Variants in PALS1 observed in about 807,000 individuals in gnomAD.
PALS1 encodes the protein protein PALS1.
In PALS1, 31 loss-of-function variants were observed where a neutral mutation model predicts 78.9. The observed-to-expected ratio is 0.39, with a 90% confidence interval of 0.30 to 0.53. The LOEUF (loss-of-function observed/expected upper bound fraction) is 0.53, where lower values mean the gene tolerates loss of function less well. Ranked by LOEUF, PALS1 falls within the 20% of genes least tolerant of loss-of-function variation. PALS1 has a pLI of 0.67. For missense variants in PALS1, 704 were observed against 826.5 expected, an observed-to-expected ratio of 0.85 and a Z score of 1.82; for synonymous variants, 276 against 270.9, an observed-to-expected ratio of 1.02 and a Z score of -0.18.
At chr14:67,281,452 T>C (rs141997150) in intron 3 of PALS1, among the ~76,000 whole-genome samples, 207 of 152,196 alleles carry the variant, frequency 1.4e-3, no homozygotes, top group African/African-American at 4.5e-3. Flanking sequence ...TTTATTAGAG[T>C]AAAAATACTT....
At chr14:67,301,201 T>A (rs1421609041) in intron 4 of PALS1, among the ~76,000 whole-genome samples, 188 bp from the exon 5 acceptor site, 3 of 152,308 alleles carry the variant, frequency 2.0e-5, no homozygotes, top group African/African-American at 4.8e-5. Context: ...AGTGTTTTTT[T>A]AATAAGAAAT....
At chr14:67,328,959 A>G (rs148199465) in intron 14 of PALS1, among the ~76,000 whole-genome samples, 46,070 of 151,860 alleles carry the variant, frequency 0.3, 10,418 homozygotes, top group African/African-American at 0.61. Context: ...TTGGCAATGC[A>G]GGCTCTTTTT....
chr14:67,254,992 T>C (rs2084123925), intron 1 of PALS1, among the ~76,000 whole-genome samples: 1 of 152,104 alleles, frequency 6.6e-6, no homozygotes, highest in African/African-American at 2.4e-5. Flanking sequence ...CTACTAAAAA[T>C]ACAAAAATTA....
intron 8 of PALS1, among the ~76,000 whole-genome samples, chr14:67,308,529 A>G (rs1370366312): frequency 2.7e-5 from 4 of 149,454 alleles, no homozygotes; most frequent in Admixed American, 6.8e-5. Context: ...GCACTCTCCA[A>G]ATATTTTTTT....
chr14:67,305,058 GAGGAAATAT>G (rs1452939541), intron 8 of PALS1, among the ~76,000 whole-genome samples: 1 of 152,154 alleles, frequency 6.6e-6, no homozygotes, highest in East Asian at 1.9e-4. Context: ...GAAGAGAAAT[GAGGAAATAT>G]AGTTTGTCTT....
chr14:67,243,015 ATC>A (rs769446660), intron 1 of PALS1, among the ~76,000 whole-genome samples: 2 of 152,210 alleles, frequency 1.3e-5, no homozygotes, highest in Non-Finnish European at 2.9e-5. Flanking sequence ...TGTTTTCAGG[ATC>A]TCCTGAGGGC....
intron 1 of PALS1, among the ~76,000 whole-genome samples, chr14:67,242,417 C>T (rs947749609): frequency 1.3e-5 from 2 of 152,044 alleles, no homozygotes; most frequent in East Asian, 1.9e-4. Context: ...ATTTGACTGA[C>T]GCAGTGAAAG....
At chr14:67,302,917 TTC>T (rs990258273) in intron 7 of PALS1, among the ~76,000 whole-genome samples, 2 of 152,234 alleles carry the variant, frequency 1.3e-5, no homozygotes, top group African/African-American at 4.8e-5. Context: ...ATTTTTTGTG[TTC>T]TTTTATTTTA....
chr14:67,318,562 T>C (rs922099218), intron 11 of PALS1, among the ~76,000 whole-genome samples: 5 of 152,222 alleles, frequency 3.3e-5, no homozygotes, highest in Admixed American at 1.3e-4. Flanking sequence ...GTCTTGATTA[T>C]ACGTGTTAGA....
intron 8 of PALS1, among the ~76,000 whole-genome samples, chr14:67,311,148 T>G (rs774765462): frequency 2.2e-4 from 34 of 151,942 alleles, no homozygotes; most frequent in Non-Finnish European, 4.1e-4. Flanking sequence ...CTGTTTCTAC[T>G]AAACATACAA....
chr14:67,244,399 T>C (rs2083954572), intron 1 of PALS1, among the ~76,000 whole-genome samples: 1 of 152,262 alleles, frequency 6.6e-6, no homozygotes. Flanking sequence ...TTCACATTCT[T>C]GCCCACACTG....
Position 67,329,871 on chromosome 14 carries a change from TAAATAAATA to T in PALS1, c.1852-2908_1852-2900del, listed in dbSNP as rs1566586496. On this transcript the variant is annotated intron_variant, in intron 14 of 14. Transcript: ENST00000261681. ...ATAAATAAATAAATAAATAAATAAATAAATAAATAGATATAGAAACTAAGAAGATGATGG... is the reference window on the plus strand; with the variant it reads ...ATAAATAAATAAATAAATAAATAAATGATATAGAAACTAAGAAGATGATGG... Among the ~76,000 whole-genome samples the T allele has an allele frequency of 1.7e-4, 20 of 114,970 alleles. No individual in the cohort carries two copies. The East Asian group carries it at 2.5e-3, about 14-fold the overall frequency. 75.4% of individuals were successfully genotyped at this position (114,970 alleles called of 152,430 possible).
At chr14:67,300,907 G>A (rs1239306935) in intron 4 of PALS1, among the ~76,000 whole-genome samples, 1 of 151,846 alleles carries the variant, frequency 6.6e-6, no homozygotes, top group Non-Finnish European at 1.5e-5. Context: ...GCCCAGGCTG[G>A]TCTCAAACTC....
At chr14:67,320,076 ATTG>A (rs933877216) in intron 11 of PALS1, among the ~76,000 whole-genome samples, 151 bp from the exon 12 acceptor site, 5 of 152,194 alleles carry the variant, frequency 3.3e-5, no homozygotes, top group African/African-American at 7.2e-5. Flanking sequence ...GGAGTATTAT[ATTG>A]TTGTCTGATT....
intron 3 of PALS1, among the ~76,000 whole-genome samples, chr14:67,291,186 A>G (rs1037410605): frequency 1.3e-5 from 2 of 152,086 alleles, no homozygotes; most frequent in Non-Finnish European, 2.9e-5. Flanking sequence ...GTGCGTGTGC[A>G]TGTACACTCA....
At chr14:67,256,356 A>G (rs1016768280) in intron 1 of PALS1, among the ~76,000 whole-genome samples, 2 of 152,200 alleles carry the variant, frequency 1.3e-5, no homozygotes, top group African/African-American at 4.8e-5. Flanking sequence ...TTCATGCTCT[A>G]GTAGTCACAA....
At chr14:67,259,200 A>G (rs934502138) in intron 1 of PALS1, among the ~76,000 whole-genome samples, 1 of 151,410 alleles carries the variant, frequency 6.6e-6, no homozygotes, top group Non-Finnish European at 1.5e-5. Context: ...GTATGTATAT[A>G]TAACATATAC....
chr14:67,271,115 T>A (rs917471124), intron 2 of PALS1: 1 of 152,246 alleles, frequency 6.6e-6, no homozygotes, highest in Non-Finnish European at 1.5e-5. Flanking sequence ...AGGAGTGGTT[T>A]GCTCATATAC....
chr14:67,256,777 G>A (rs547912668), intron 1 of PALS1, among the ~76,000 whole-genome samples: 3 of 145,500 alleles, frequency 2.1e-5, no homozygotes, highest in Non-Finnish European at 3.0e-5. Flanking sequence ...GTAGGAGGAC[G>A]AAGTGTTCCA....
Sources: allele counts gnomAD v4.1 joint callset (sites outside exome capture counted in the v4.1 genomes callset), GRCh38; gene constraint gnomAD v4.1.1; transcripts MANE v1.5; gene names NCBI Gene and HGNC (gene_info 2026-07-23, HGNC 2026-07-21).